The following DLGAP2 variants were observed in gnomAD, a reference collection of about 807,000 sequenced individuals.
DLGAP2 encodes the protein disks large-associated protein 2.
In DLGAP2, 26 loss-of-function variants were observed where a neutral mutation model predicts 100.3. The ratio of observed to expected loss-of-function variants is 0.26; its 90% CI spans 0.19 to 0.36. The LOEUF is 0.36. DLGAP2 is among the 10% of genes least tolerant of loss of function. The pLI is 1.00. For synonymous variants in DLGAP2, 886 were observed against 630.1 expected, an observed-to-expected ratio of 1.41 and a Z score of -6.08; for missense variants, 1,858 against 1,453.2, an observed-to-expected ratio of 1.28 and a Z score of -4.53.
chr8:974,157 A>G (rs1800103209), intron 2 of DLGAP2, among the ~76,000 whole-genome samples: 1 of 152,246 alleles, frequency 6.6e-6, no homozygotes, highest in Non-Finnish European at 1.5e-5. Context: ...ACCAAACCAT[A>G]TCCAGGAAGC....
intron 3 of DLGAP2, among the ~76,000 whole-genome samples, chr8:1,434,356 C>T (rs1029072184): frequency 3.9e-5 from 6 of 152,158 alleles, no homozygotes; most frequent in Admixed American, 1.3e-4. Flanking sequence ...AGTAGCCTCA[C>T]GTGCAGACAG....
At chr8:1,149,410 G>T (rs951662031) in intron 2 of DLGAP2, among the ~76,000 whole-genome samples, 13 of 152,028 alleles carry the variant, frequency 8.6e-5, no homozygotes, top group African/African-American at 2.9e-4. Context: ...GCCTCCCAAA[G>T]TGCTGGGATT....
At chr8:1,411,073 C>G (rs1375963391) in intron 3 of DLGAP2, among the ~76,000 whole-genome samples, 4 of 152,158 alleles carry the variant, frequency 2.6e-5, no homozygotes, top group Non-Finnish European at 5.9e-5. Context: ...CCGTGGAAAG[C>G]TACCTGCATA....
Position 1,680,036 on chromosome 8 carries a change from G to A in DLGAP2, c.2704+1407G>A, listed in dbSNP as rs961573431. Among the ~76,000 whole-genome samples, 4 of 148,100 alleles carry A rather than the reference G, an allele frequency of 2.7e-5. 1 individual carries two copies. Among genetic ancestry groups the A allele is most frequent in the South Asian group, 4.4e-4 (2 of 4,590 alleles). On this transcript the variant is annotated intron_variant, in intron 12 of 14. Transcript: ENST00000637795. Reference sequence around the variant, plus strand: ...GAAGCAGCACCCATTATAAATTGCTGTATTTGATTGACTTCTAAGCTAATA... The same window carrying A: ...GAAGCAGCACCCATTATAAATTGCTATATTTGATTGACTTCTAAGCTAATA...
At chr8:1,084,836 A>G (rs1232923109) in intron 2 of DLGAP2, among the ~76,000 whole-genome samples, 1 of 152,206 alleles carries the variant, frequency 6.6e-6, no homozygotes, top group Non-Finnish European at 1.5e-5. Flanking sequence ...TTCAGTGACC[A>G]TGGGAGTGCA....
chr8:1,211,288 TAA>T lies in DLGAP2; in HGVS notation c.74-47560_74-47559del, dbSNP rs770812486. Among the ~76,000 whole-genome samples, 127 of 152,306 alleles carry T rather than the reference TAA, an allele frequency of 8.3e-4. 1 individual carries two copies. Among genetic ancestry groups the T allele is most frequent in the Non-Finnish European group, 1.3e-3 (90 of 68,026 alleles). On this transcript the variant is annotated intron_variant, in intron 2 of 14. Transcript: ENST00000637795. ...CACAGGGTGGCCGTGGGGACGTTGT[TAA>T]AAGTGGGTCTAATCAGTGGAGCCTG...
chr8:1,261,564 AG>A (rs1400914464), intron 3 of DLGAP2, among the ~76,000 whole-genome samples: 4 of 3,302 alleles, frequency 1.2e-3, no homozygotes, highest in African/African-American at 4.4e-3. Flanking sequence ...TGGGGGTGGG[AG>A]GGGGGGCTGG....
In DLGAP2 at chr8:1,269,557, T is replaced by C. The variant is rs551902899; in HGVS notation, c.106+10674T>C. Among the ~76,000 whole-genome samples, 17 of 152,330 alleles carry C rather than the reference T, an allele frequency of 1.1e-4. No homozygotes were observed. In the East Asian group the frequency reaches 3.1e-3, roughly 28 times the overall value. ...CTGAAACCCCGTATTATTGTGGCTG[T>C]GAATCCCTAATTGTGCTCTCCTCTC... On this transcript the variant is annotated intron_variant, in intron 3 of 14. Transcript: ENST00000637795.
chr8:823,533 A>G (rs558959177), intron 1 of DLGAP2, among the ~76,000 whole-genome samples: 15 of 152,086 alleles, frequency 9.9e-5, no homozygotes, highest in Non-Finnish European at 1.9e-4. Flanking sequence ...GAAATCAGGC[A>G]TCCCAGAGAC....
chr8:1,275,082 G>C (rs1261539050), intron 3 of DLGAP2, among the ~76,000 whole-genome samples: 2 of 152,156 alleles, frequency 1.3e-5, no homozygotes, highest in African/African-American at 4.8e-5. Context: ...CAGGCAGAGA[G>C]GATCCCTGAG....
intron 10 of DLGAP2, 147 bp from the exon 11 acceptor site, chr8:1,676,386 C>G: frequency 2.7e-6 from 2 of 746,202 alleles, no homozygotes; most frequent in South Asian, 3.5e-5. Context: ...GCATTTCCCT[C>G]TCTGCGGTTT....
chr8:1,226,548 A>G (rs1326113465), intron 2 of DLGAP2, among the ~76,000 whole-genome samples: 1 of 152,196 alleles, frequency 6.6e-6, no homozygotes, highest in Admixed American at 6.5e-5. Flanking sequence ...TGATGGGTGC[A>G]GCAAACCACC....
At chr8:1,295,114 G>A (rs1040724947) in intron 3 of DLGAP2, among the ~76,000 whole-genome samples, 1 of 152,274 alleles carries the variant, frequency 6.6e-6, no homozygotes, top group South Asian at 2.1e-4. Flanking sequence ...ATGTTGCAGT[G>A]GGGACTGTGG....
intron 3 of DLGAP2, among the ~76,000 whole-genome samples, chr8:1,495,328 C>T (rs985825172): frequency 2.0e-5 from 3 of 152,180 alleles, no homozygotes; most frequent in Admixed American, 1.3e-4. Context: ...AGCATTGTCT[C>T]CACTTCCAGG....
chr8:1,584,410 T>C (rs926890954), intron 6 of DLGAP2, among the ~76,000 whole-genome samples: 6 of 152,174 alleles, frequency 3.9e-5, no homozygotes, highest in Non-Finnish European at 8.8e-5. Flanking sequence ...ACCTGCAACC[T>C]GCAGTTCTTC....
At chr8:1,197,295 C>T (rs1356446216) in intron 2 of DLGAP2, among the ~76,000 whole-genome samples, 1 of 152,248 alleles carries the variant, frequency 6.6e-6, no homozygotes, top group Non-Finnish European at 1.5e-5. Context: ...TATCACTTAT[C>T]CCTGTCCATG....
intron 2 of DLGAP2, among the ~76,000 whole-genome samples, chr8:987,203 G>C (rs1800512896): frequency 1.3e-5 from 2 of 152,148 alleles, no homozygotes; most frequent in South Asian, 2.1e-4. Context: ...TTGCAGGAGT[G>C]CCAGGTGCCC....
intron 2 of DLGAP2, among the ~76,000 whole-genome samples, chr8:1,150,347 T>C (rs1436877190): frequency 6.6e-6 from 1 of 152,236 alleles, no homozygotes; most frequent in African/African-American, 2.4e-5. Flanking sequence ...CATGGTATCA[T>C]TGCTTAAATC....
At chr8:1,605,927 G>A (rs529957007) in intron 6 of DLGAP2, among the ~76,000 whole-genome samples, 1 of 152,346 alleles carries the variant, frequency 6.6e-6, no homozygotes, top group African/African-American at 2.4e-5. Context: ...TCGAGCTCGT[G>A]CTGTAGAACG....
Sources: gnomAD v4.1 joint callset for allele counts (sites outside exome capture counted in the v4.1 genomes callset) on GRCh38, gnomAD v4.1.1 for gene constraint, MANE v1.5 for transcripts, NCBI Gene and HGNC (gene_info 2026-07-23, HGNC 2026-07-21) for gene names.